Variants in ARK2C observed in about 807,000 individuals in gnomAD.
The protein encoded by ARK2C is arkadia (RNF111) C-terminal like ring finger ubiquitin ligase 2C, also known as E3 ubiquitin-protein ligase ARK2C.
chr18:46,392,251 G>A, the ARK2C span, among the ~76,000 whole-genome samples: 1 of 152,092 alleles, frequency 6.6e-6, no homozygotes, highest in Non-Finnish European at 1.5e-5. Flanking sequence ...CACCTTACCT[G>A]GCCTTCACCT....
the ARK2C span, among the ~76,000 whole-genome samples, chr18:46,402,551 C>G: frequency 6.6e-6 from 1 of 152,052 alleles, no homozygotes; most frequent in East Asian, 1.9e-4. Flanking sequence ...CTCTCTCTGT[C>G]ACCCACGCTG....
the ARK2C span, chr18:46,336,772 C>T: frequency 2.0e-6 from 2 of 985,300 alleles, no homozygotes; most frequent in South Asian, 4.7e-5. Flanking sequence ...TTAGAGGCTG[C>T]AGCACTTCAT....
At chr18:46,378,018 G>A in the ARK2C span, among the ~76,000 whole-genome samples, 1 of 152,134 alleles carries the variant, frequency 6.6e-6, no homozygotes, top group Non-Finnish European at 1.5e-5. Flanking sequence ...AGGCATTTGG[G>A]AAGAGGGTGA....
the ARK2C span, among the ~76,000 whole-genome samples, chr18:46,358,328 G>A: frequency 5.3e-5 from 8 of 152,282 alleles, no homozygotes; most frequent in East Asian, 1.5e-3. Flanking sequence ...GGGGAGCAGG[G>A]CCTAGTGTGA....
the ARK2C span, among the ~76,000 whole-genome samples, chr18:46,415,333 A>C: frequency 3.3e-4 from 51 of 152,284 alleles, no homozygotes; most frequent in Non-Finnish European, 6.2e-4. Context: ...ACCCTGGCTA[A>C]CACGGTGAAA....
chr18:46,434,713 GC>G, the ARK2C span, among the ~76,000 whole-genome samples: 8 of 152,180 alleles, frequency 5.3e-5, no homozygotes, highest in African/African-American at 1.7e-4. Flanking sequence ...AAGGCCCTAA[GC>G]ATACATGACC....
At chr18:46,336,521 T>C in the ARK2C span, 3 of 985,446 alleles carry the variant, frequency 3.0e-6, no homozygotes, top group South Asian at 1.4e-4. Flanking sequence ...TAAGAGTTCA[T>C]GACCTTCCGA....
the ARK2C span, among the ~76,000 whole-genome samples, chr18:46,338,593 GA>G: frequency 1.3e-5 from 2 of 151,788 alleles, no homozygotes; most frequent in East Asian, 3.9e-4. Context: ...AAATTGAGTT[GA>G]AAAAAGAACC....
chr18:46,390,503 A>G, the ARK2C span, among the ~76,000 whole-genome samples: 4 of 152,180 alleles, frequency 2.6e-5, no homozygotes, highest in Non-Finnish European at 4.4e-5. Context: ...TTCTCAGAAG[A>G]CGGGCATATA....
At chr18:46,351,543 CAGCCCAGCCCCTTCCTGCTA>C in the ARK2C span, among the ~76,000 whole-genome samples, 5 of 152,316 alleles carry the variant, frequency 3.3e-5, no homozygotes, top group African/African-American at 4.8e-5. Context: ...CCTCCCTCAG[CAGCCCAGCCCCTTCCTGCTA>C]AGCCCAGCCC....
At chr18:46,441,118 T>C in the ARK2C span, among the ~76,000 whole-genome samples, 2 of 152,218 alleles carry the variant, frequency 1.3e-5, no homozygotes, top group African/African-American at 4.8e-5. Context: ...CCCAAGTAGC[T>C]GGGACTACAG....
the ARK2C span, among the ~76,000 whole-genome samples, chr18:46,437,471 T>C: frequency 6.6e-6 from 1 of 152,044 alleles, no homozygotes; most frequent in Non-Finnish European, 1.5e-5. Context: ...GCATCCCCTA[T>C]CCCCTTTAGA....
the ARK2C span, among the ~76,000 whole-genome samples, chr18:46,367,281 G>C: frequency 2.0e-5 from 3 of 152,312 alleles, no homozygotes; most frequent in Admixed American, 6.5e-5. Flanking sequence ...GGGTAGACCA[G>C]ATGACCTCTG....
chr18:46,345,959 G>A, the ARK2C span, among the ~76,000 whole-genome samples: 1 of 152,298 alleles, frequency 6.6e-6, no homozygotes, highest in African/African-American at 2.4e-5. Flanking sequence ...CTGGCTCTTG[G>A]AGCTCTAGTC....
At chr18:46,424,399 G>A in the ARK2C span, among the ~76,000 whole-genome samples, 5 of 152,190 alleles carry the variant, frequency 3.3e-5, no homozygotes, top group Admixed American at 3.3e-4. Context: ...TTAGAACTGT[G>A]CTTTAGGAAA....
At chr18:46,378,832 C>T in the ARK2C span, among the ~76,000 whole-genome samples, 1 of 152,168 alleles carries the variant, frequency 6.6e-6, no homozygotes, top group African/African-American at 2.4e-5. Flanking sequence ...AGCTGCACAA[C>T]GGAGGGGGTG....
the ARK2C span, among the ~76,000 whole-genome samples, chr18:46,348,277 C>T: frequency 6.6e-6 from 1 of 151,868 alleles, no homozygotes; most frequent in African/African-American, 2.4e-5. Context: ...GAGAGTCATG[C>T]AGAGGGGTCA....
chr18:46,356,133 C>T, the ARK2C span, among the ~76,000 whole-genome samples: 2 of 152,314 alleles, frequency 1.3e-5, no homozygotes, highest in East Asian at 3.9e-4. Context: ...TAATTAAGCC[C>T]TCACTCTGTG....
At chr18:46,453,928 C>G in the ARK2C span, among the ~76,000 whole-genome samples, 1 of 151,278 alleles carries the variant, frequency 6.6e-6, no homozygotes, top group African/African-American at 2.4e-5. Flanking sequence ...GCCTGGCCAT[C>G]ATAGAGAGAT....
Sources: gnomAD v4.1 joint callset for allele counts (sites outside exome capture counted in the v4.1 genomes callset) on GRCh38, gnomAD v4.1.1 for gene constraint, MANE v1.5 for transcripts, NCBI Gene and HGNC (gene_info 2026-07-23, HGNC 2026-07-21) for gene names.